The following FMN1 variants were observed in gnomAD, a reference collection of about 807,000 sequenced individuals.
FMN1 encodes formin 1, also known as formin-1.
FMN1 carries 110 observed loss-of-function variants against 132.4 expected under a neutral mutation model. The observed-to-expected ratio is 0.83, with a 90% CI of 0.71 to 0.97. The LOEUF (loss-of-function observed/expected upper bound fraction) is 0.97. Ranked by LOEUF, FMN1 falls within the 50% of genes least tolerant of loss-of-function variation. FMN1 has a pLI of 0.00. For missense variants in FMN1, 1,792 were observed against 1,705.3 expected (o/e 1.05, Z -0.90); for synonymous variants, 722 against 651.7 (o/e 1.11, Z -1.64).
intron 10 of FMN1, among the ~76,000 whole-genome samples, chr15:32,921,024 A>G (rs1283641339): frequency 1.3e-5 from 2 of 152,200 alleles, no homozygotes; most frequent in African/African-American, 4.8e-5. Flanking sequence ...CTGGGGATAC[A>G]TCAGTGAGCA....
chr15:33,118,916 CAA>C (rs200093287), intron 4 of FMN1, among the ~76,000 whole-genome samples: 7 of 93,840 alleles, frequency 7.5e-5, no homozygotes, highest in Admixed American at 1.2e-4. Context: ...CCTTCCTTTA[CAA>C]AAAAAAAAAA....
chr15:33,034,914 A>G (rs1234774752), intron 6 of FMN1, among the ~76,000 whole-genome samples: 2 of 152,000 alleles, frequency 1.3e-5, no homozygotes. Flanking sequence ...ACAGCTCCCC[A>G]TTTCACCCAA....
chr15:32,901,752 TAC>T (rs991226656), intron 13 of FMN1, among the ~76,000 whole-genome samples, 157 bp downstream of exon 13: 1 of 151,848 alleles, frequency 6.6e-6, no homozygotes, highest in South Asian at 2.1e-4. Flanking sequence ...CTCTCTCTCA[TAC>T]ACACACACAC....
chr15:32,956,336 CATATTTGACA>C (rs1333552628), intron 9 of FMN1, among the ~76,000 whole-genome samples: 1 of 151,212 alleles, frequency 6.6e-6, no homozygotes. Flanking sequence ...CATTGATATT[CATATTTGACA>C]AGTCCTAACC....
rs1051328047 is a variant in FMN1 at position 33,153,676 on chromosome 15, G to C, written c.1239C>G (p.Ala413=). ...GGGGGACCTTGTTCACGGCCCCCTC[G>C]GCACTGGCCGACACACTAGAAATGG... ...TASISSVSAS[A]EGAVNKVPLK... Residue 413 remains alanine (A), a synonymous_variant, in exon 4 of 21, where the codon GCC becomes GCG. Coordinates refer to ENST00000616417, the MANE Select transcript of FMN1 (RefSeq NM_001277313.2). The C allele has an allele frequency of 6.5e-7, 1 of 1,536,192 alleles. No individual in the cohort carries two copies. Among genetic ancestry groups the C allele is most frequent in the East Asian group, 2.4e-5 (1 of 40,910 alleles).
chr15:32,844,644 T>C (rs558697616), intron 17 of FMN1, among the ~76,000 whole-genome samples: 1 of 152,344 alleles, frequency 6.6e-6, no homozygotes, highest in South Asian at 2.1e-4. Flanking sequence ...TATTCATTGC[T>C]TCTGGCTTAT....
At chr15:33,125,381 T>C (rs375741817) in intron 4 of FMN1, among the ~76,000 whole-genome samples, 83 of 152,334 alleles carry the variant, frequency 5.4e-4, no homozygotes, top group African/African-American at 1.8e-3. Context: ...TGAAGGTTAG[T>C]TCTAGTTGAA....
At chr15:33,080,195 G>A (rs1041987224) in intron 5 of FMN1, among the ~76,000 whole-genome samples, 20 of 152,170 alleles carry the variant, frequency 1.3e-4, no homozygotes, top group African/African-American at 4.1e-4. Flanking sequence ...GGCTTCCATG[G>A]AAACAATACA....
chr15:32,777,674 C>CATTTATATATTACGTATAACATAACAT, intron 19 of FMN1, among the ~76,000 whole-genome samples: 1 of 141,416 alleles, frequency 7.1e-6, no homozygotes, highest in East Asian at 2.1e-4. Flanking sequence ...TAACATAACA[C>CATTTATATATTACGTATAACATAACAT]ATTTATATAT....
intron 9 of FMN1, among the ~76,000 whole-genome samples, chr15:32,935,633 C>CTTT (rs35444350): frequency 1.4e-5 from 2 of 145,866 alleles, no homozygotes; most frequent in Non-Finnish European, 3.0e-5. Context: ...TTTCTTTACT[C>CTTT]TTTTTTTTTT....
chr15:32,875,662 C>T (rs77121487), intron 16 of FMN1, among the ~76,000 whole-genome samples: 1 of 152,148 alleles, frequency 6.6e-6, no homozygotes, highest in East Asian at 1.9e-4. Flanking sequence ...AACTCCAGTC[C>T]CCTTTGCAGG....
At chr15:33,191,169 CAAA>C (rs34891602) in intron 2 of FMN1, among the ~76,000 whole-genome samples, 1 of 127,846 alleles carries the variant, frequency 7.8e-6, no homozygotes. Flanking sequence ...GACTCCATCT[CAAA>C]AAAAAAAAAA....
rs977602902 is a variant in FMN1, at chr15:32,899,447, T to A, written c.3654+532A>T. ...TGTGTTTCCCCTCCCTGCACCCCCC[T>A]GCCCCCCATGGGACGCCTAGCTATG... On this transcript the variant is annotated intron_variant, in intron 14 of 20. Transcript: ENST00000616417. 2.6e-5 allele frequency among the ~76,000 whole-genome samples: 4 copies of A among 152,308 alleles called. No individual in the cohort carries two copies. The East Asian group carries it at 5.8e-4, about 22-fold the overall frequency.
chr15:32,866,182 C>A (rs191032361), intron 16 of FMN1, among the ~76,000 whole-genome samples: 33 of 144,018 alleles, frequency 2.3e-4, no homozygotes, highest in African/African-American at 8.4e-4. Flanking sequence ...ACATATGTAA[C>A]AAACCTGCAC....
At chr15:32,835,078 C>G (rs887015231) in intron 17 of FMN1, among the ~76,000 whole-genome samples, 1 of 152,178 alleles carries the variant, frequency 6.6e-6, no homozygotes, top group Admixed American at 6.5e-5. Flanking sequence ...AGAGCAACAT[C>G]AGAAAATCCA....
intron 17 of FMN1, among the ~76,000 whole-genome samples, chr15:32,812,550 A>G (rs1385080718): frequency 6.6e-6 from 1 of 152,188 alleles, no homozygotes; most frequent in Non-Finnish European, 1.5e-5. Context: ...CACTGAAAAA[A>G]CTGTCTATTG....
At chr15:32,999,336 C>G (rs2033959359) in intron 7 of FMN1, among the ~76,000 whole-genome samples, 2 of 152,302 alleles carry the variant, frequency 1.3e-5, no homozygotes, top group South Asian at 4.1e-4. Flanking sequence ...GTTGTATCAG[C>G]TCAAATAGAG....
Position 32,887,567 on chromosome 15 carries a change from CATT to C in FMN1, c.3835+602_3835+604del, listed in dbSNP as rs560325587. ...GAATGTTTACTGTGGGCCTTACCAT[CATT>C]ATTAGACTCATATATAAACCAAACA... On this transcript the variant is annotated intron_variant, in intron 16 of 20. Transcript: ENST00000616417. Among the ~76,000 whole-genome samples, 135 of 152,294 alleles carry C rather than the reference CATT, an allele frequency of 8.9e-4. 1 individual carries two copies. The East Asian group carries it at 0.012, about 13-fold the overall frequency.
Position 33,050,415 on chromosome 15 carries a change from A to G in FMN1, c.2161+14542T>C, listed in dbSNP as rs1596554439. Among the ~76,000 whole-genome samples the G allele has an allele frequency of 2.0e-5, 3 of 152,252 alleles. No individual in the cohort carries two copies. The Middle Eastern group carries it at 0.01, about 518-fold the overall frequency. ...AGGATTTTTTTTTTAATACATAGAA[A>G]GCTTCTTCAAATCAGTAAGAAAAAT... On this transcript the variant is annotated intron_variant, in intron 6 of 20. Transcript: ENST00000616417.
Sources: gnomAD v4.1 joint callset for allele counts (sites outside exome capture counted in the v4.1 genomes callset) on GRCh38, gnomAD v4.1.1 for gene constraint, MANE v1.5 for transcripts, NCBI Gene and HGNC (gene_info 2026-07-23, HGNC 2026-07-21) for gene names.